STOML3: variants seen among roughly 807,000 people sequenced by gnomAD.
The protein encoded by STOML3 is stomatin like 3.
STOML3 carries 31 observed loss-of-function variants against 29.5 expected under a neutral mutation model. The ratio of observed to expected loss-of-function variants is 1.05; its 90% CI spans 0.79 to 1.42. STOML3 has a LOEUF of 1.42. Ranked by LOEUF, STOML3 falls within the 40% of genes most tolerant of loss-of-function variation. The pLI is 0.00. For missense variants in STOML3, 380 were observed against 363.0 expected (o/e 1.05, Z -0.38); for synonymous variants, 122 against 139.8 (o/e 0.87, Z 0.90).
In STOML3 at chr13:38,976,780, G is replaced by A. The variant is rs1881096695; in HGVS notation, c.70C>T (p.Leu24Phe). 1.9e-6 allele frequency: 3 copies of A among 1,613,568 alleles called. No individual in the cohort carries two copies. The highest frequency in any genetic ancestry group is 2.5e-6 in the Non-Finnish European group (3 of 1,179,840). The change falls in exon 2 of 7, where the codon CTT (leucine) becomes TTT (phenylalanine). Residue 24 changes from leucine (L) to phenylalanine (F), a missense_variant. By Grantham distance (22) the Leu-to-Phe change is conservative. Transcript: ENST00000379631. Reference protein sequence around the residue: ...ENFVGVNNKRLGVCGWILFSL... With the variant: ...ENFVGVNNKRFGVCGWILFSL... ...AACAGGATCCAGCCACATACACCAA[G>A]CCGTTTATTGTTGACACCTAGGAAA...
At chr13:38,986,041 T>G (rs1282003561) in intron 1 of STOML3, among the ~76,000 whole-genome samples, 1 of 147,842 alleles carries the variant, frequency 6.8e-6, no homozygotes, top group East Asian at 2.0e-4. Context: ...CCTGGTTTTT[T>G]TTTTTTTTTT....
chr13:38,988,160 TATATATA>T (rs1868718471), intron 1 of STOML3, among the ~76,000 whole-genome samples: 2 of 97,058 alleles, frequency 2.1e-5, no homozygotes, highest in African/African-American at 9.0e-5. Context: ...TCATATATTT[TATATATA>T]ATATATTATA....
intron 1 of STOML3, among the ~76,000 whole-genome samples, chr13:38,988,452 T>C (rs1218604420): frequency 1.3e-5 from 1 of 74,702 alleles, no homozygotes; most frequent in Non-Finnish European, 2.3e-5. Context: ...TATTATATTT[T>C]ATATCATATA....
At position 38,990,710 on chromosome 13, in the gene STOML3, C is replaced by A. The variant is rs1410395174; in HGVS notation, c.12G>T (p.Arg4Ser). ...TATCTTGCTTCTCAGGTGAAGACAC[C>A]CTAGAATCCATCTCATTCTTGAGAA... The part of the protein sequence containing the change: MDS[R>S]VSSPEKQDKE... Residue 4 changes from arginine to serine, a missense_variant, in exon 1 of 7, where the codon AGG becomes AGT. Physicochemically the swap from Arg to Ser is moderately radical, Grantham distance 110. Coordinates refer to ENST00000379631, the MANE Select transcript of STOML3 (RefSeq NM_145286.3). 1 of 1,613,694 alleles carries A rather than the reference C, an allele frequency of 6.2e-7. No homozygotes were observed. The highest frequency in any genetic ancestry group is 8.5e-7 in the Non-Finnish European group (1 of 1,179,820).
At chr13:38,977,100 C>T (rs1347978382) in intron 1 of STOML3, among the ~76,000 whole-genome samples, 4 of 152,166 alleles carry the variant, frequency 2.6e-5, no homozygotes, top group East Asian at 3.8e-4. Flanking sequence ...AACACATAAA[C>T]AGTGGTTCTC....
intron 1 of STOML3, among the ~76,000 whole-genome samples, chr13:38,985,737 C>A (rs1418764980): frequency 6.6e-6 from 1 of 151,296 alleles, no homozygotes; most frequent in East Asian, 1.9e-4. Flanking sequence ...TTTATAAAAG[C>A]ATGAGAAAAT....
chr13:38,971,275 C>T (rs974892741), intron 4 of STOML3, among the ~76,000 whole-genome samples: 1 of 152,094 alleles, frequency 6.6e-6, no homozygotes, highest in Non-Finnish European at 1.5e-5. Context: ...TTAAGTAATC[C>T]TCCTGCCTCA....
At chr13:38,969,122 C>T (rs1880770067) in intron 5 of STOML3, among the ~76,000 whole-genome samples, 1 of 152,154 alleles carries the variant, frequency 6.6e-6, no homozygotes, top group African/African-American at 2.4e-5. Context: ...ATTTATCTCG[C>T]TCTGTTTAAC....
chr13:38,986,493 A>G (rs1019600777), intron 1 of STOML3, among the ~76,000 whole-genome samples: 1 of 152,140 alleles, frequency 6.6e-6, no homozygotes, highest in African/African-American at 2.4e-5. Flanking sequence ...GAGCTTGGGG[A>G]TGAGTGTTAA....
chr13:38,980,936 G>A (rs1881248343), intron 1 of STOML3, among the ~76,000 whole-genome samples: 1 of 152,162 alleles, frequency 6.6e-6, no homozygotes, highest in African/African-American at 2.4e-5. Context: ...TGCAGCTGGT[G>A]AAATATGTGG....
intron 1 of STOML3, among the ~76,000 whole-genome samples, chr13:38,986,862 A>T (rs1868591922): frequency 6.6e-6 from 1 of 152,150 alleles, no homozygotes; most frequent in East Asian, 1.9e-4. Context: ...CACAGACTAA[A>T]TACCAGAGCT....
chr13:38,984,690 A>G (rs780694656), intron 1 of STOML3, among the ~76,000 whole-genome samples: 1 of 152,160 alleles, frequency 6.6e-6, no homozygotes, highest in East Asian at 1.9e-4. Flanking sequence ...ACACTCTATG[A>G]TGTTCTCACA....
At chr13:38,984,225 T>A (rs968903221) in intron 1 of STOML3, among the ~76,000 whole-genome samples, 4 of 152,276 alleles carry the variant, frequency 2.6e-5, no homozygotes, top group African/African-American at 7.2e-5. Context: ...TGTGCTAACA[T>A]CACATGAATA....
chr13:38,987,471 G>A (rs1307204888), intron 1 of STOML3, among the ~76,000 whole-genome samples: 5 of 151,668 alleles, frequency 3.3e-5, no homozygotes, highest in East Asian at 1.9e-4. Context: ...TAGCCTGGGC[G>A]ACAGAGCAAG....
At chr13:38,981,622 G>A (rs1487010426) in intron 1 of STOML3, among the ~76,000 whole-genome samples, 3 of 152,044 alleles carry the variant, frequency 2.0e-5, no homozygotes, top group Admixed American at 6.6e-5. Context: ...TTTCTTAGCA[G>A]AAATAACTGT....
intron 1 of STOML3, among the ~76,000 whole-genome samples, chr13:38,985,455 C>T (rs1312613221): frequency 1.3e-5 from 2 of 152,040 alleles, no homozygotes; most frequent in Non-Finnish European, 2.9e-5. Flanking sequence ...AAAGAAGAAG[C>T]AAATAAAGAA....
chr13:38,979,148 T>C (rs1881190622), intron 1 of STOML3, among the ~76,000 whole-genome samples: 1 of 152,206 alleles, frequency 6.6e-6, no homozygotes, highest in Non-Finnish European at 1.5e-5. Context: ...TTCTGAACAA[T>C]AAGGGCTTGC....
chr13:38,988,615 T>A lies in STOML3; in HGVS notation c.52+2055A>T, dbSNP rs1205493946. On this transcript the variant is annotated intron_variant, in intron 1 of 6. Transcript: ENST00000379631. The stretch of plus-strand genomic sequence containing the variant: ...TATAATATATTATATATCATATATT[T>A]TATATATAATATATTATATTTTATA... 4.9e-5 allele frequency among the ~76,000 whole-genome samples: 6 copies of A among 122,520 alleles called. No individual in the cohort carries two copies. In the East Asian group the frequency reaches 1.3e-3, roughly 27 times the overall value. The allele number at this position is 122,520 out of a possible 152,430, so 80.4% of individuals were successfully genotyped here.
At chr13:38,967,619 T>C (rs1282352606) in intron 6 of STOML3, among the ~76,000 whole-genome samples, 1 of 152,180 alleles carries the variant, frequency 6.6e-6, no homozygotes, top group Non-Finnish European at 1.5e-5. Context: ...CAGGAGTGAT[T>C]CAGCTGCCTC....
Sources: allele counts gnomAD v4.1 joint callset (sites outside exome capture counted in the v4.1 genomes callset), GRCh38; gene constraint gnomAD v4.1.1; transcripts MANE v1.5; gene names NCBI Gene and HGNC (gene_info 2026-07-23, HGNC 2026-07-21).